PADI2: variants seen among roughly 807,000 people sequenced by gnomAD.
PADI2 encodes the protein protein-arginine deiminase type-2.
PADI2 carries 70 observed loss-of-function variants against 81.1 expected under a neutral mutation model. That is an observed-to-expected ratio of 0.86 (90% CI 0.71 to 1.05). The LOEUF (loss-of-function observed/expected upper bound fraction) is 1.05. Among genes scored for constraint, PADI2 ranks in the 50% least tolerant of loss-of-function variants. PADI2 has a pLI of 0.00. For missense variants in PADI2, 853 were observed against 889.9 expected (o/e 0.96, Z 0.53); for synonymous variants, 338 against 358.0 (o/e 0.94, Z 0.63).
intron 4 of PADI2, 121 bp downstream of exon 4, chr1:17,095,788 C>G: frequency 1.4e-6 from 1 of 711,502 alleles, no homozygotes; most frequent in South Asian, 1.9e-5. Flanking sequence ...TGCTGTGTGT[C>G]TGGGAGCCTG....
At chr1:17,074,477 C>T (rs1277662048) in intron 13 of PADI2, among the ~76,000 whole-genome samples, 2 of 152,078 alleles carry the variant, frequency 1.3e-5, no homozygotes, top group African/African-American at 4.8e-5. Flanking sequence ...TCAAGTGATC[C>T]TCTTTCTTCA....
chr1:17,075,970 C>A (rs1385022784), intron 11 of PADI2, 147 bp from the exon 12 acceptor site: 4 of 718,612 alleles, frequency 5.6e-6, no homozygotes, highest in Non-Finnish European at 9.5e-6. Context: ...GGTTAAGAGA[C>A]CCTGGCGCAG....
intron 4 of PADI2, 51 bp from the exon 5 acceptor site, chr1:17,093,735 ACCCCATGG>A: frequency 2.8e-6 from 3 of 1,077,462 alleles, no homozygotes; most frequent in Non-Finnish European, 4.3e-6. Flanking sequence ...GCTTGTATAG[ACCCCATGG>A]GACACTGGAG....
In PADI2 at chr1:17,068,988, T is replaced by G; in HGVS notation, c.*56A>C. ...ATGTCAGCAGAAGGCTCTGGGCGTG[T>G]GAGGGAGGGTCTGGAGAACTAAGCG... is the stretch of plus-strand genomic sequence containing the variant. On this transcript the variant is annotated 3_prime_UTR_variant, in exon 16 of 16. Transcript: ENST00000375486. 7.7e-7 allele frequency: 1 copy of G among 1,292,558 alleles called. No homozygotes were observed. The highest frequency in any genetic ancestry group is 1.1e-6 in the Non-Finnish European group (1 of 887,550). 80.1% of individuals were successfully genotyped at this position (1,292,558 alleles called of 1,614,324 possible).
intron 2 of PADI2, 61 bp downstream of exon 2, chr1:17,104,817 A>AC (rs1337130470): frequency 7.0e-7 from 1 of 1,420,560 alleles, no homozygotes; most frequent in Non-Finnish European, 9.5e-7. Context: ...GGGCTGGTCC[A>AC]CCCTGCCTCT....
At chr1:17,078,273 G>C (rs181774557) in intron 11 of PADI2, among the ~76,000 whole-genome samples, 1 of 151,906 alleles carries the variant, frequency 6.6e-6, no homozygotes, top group African/African-American at 2.4e-5. Flanking sequence ...CACCACGCCC[G>C]GCTAATTTTG....
At chr1:17,112,528 G>GGC (rs1931621606) in intron 1 of PADI2, among the ~76,000 whole-genome samples, 1 of 151,930 alleles carries the variant, frequency 6.6e-6, no homozygotes, top group Non-Finnish European at 1.5e-5. Flanking sequence ...GAGTCTGGGG[G>GGC]GGGGAGTCGT....
intron 1 of PADI2, among the ~76,000 whole-genome samples, chr1:17,112,371 C>T (rs957698433): frequency 3.3e-5 from 5 of 152,106 alleles, no homozygotes; most frequent in African/African-American, 4.8e-5. Flanking sequence ...GACTTGAGGG[C>T]ATGAAGCGCC....
In PADI2 at chr1:17,092,458, A is replaced by G. The variant is rs774581805; in HGVS notation, c.605T>C (p.Leu202Pro). The G allele has an allele frequency of 1.2e-6, 2 of 1,606,984 alleles. No individual in the cohort carries two copies. Among genetic ancestry groups the G allele is most frequent in the South Asian group, 2.2e-5 (2 of 90,510 alleles). The change falls in exon 6 of 16, where the codon CTG (leucine) becomes CCG (proline). Residue 202 changes from leucine to proline, a missense_variant. Leu to Pro is a moderately conservative substitution (Grantham distance 98, BLOSUM62 -3). Coordinates refer to ENST00000375486, the MANE Select transcript of PADI2 (RefSeq NM_007365.3). ...GTCTGAGTCTGACATGGAAATGTACAGAACTATCTCGTATCCGGCGGGGAG... is the reference window on the plus strand; with the variant it reads ...GTCTGAGTCTGACATGGAAATGTACGGAACTATCTCGTATCCGGCGGGGAG... ...DRLPAGYEIV[L>P]YISMSDSDKV...
chr1:17,075,462 A>G (rs894080430), intron 12 of PADI2: 3 of 479,170 alleles, frequency 6.3e-6, no homozygotes, highest in African/African-American at 6.1e-5. Context: ...TCTCGTTAAT[A>G]ATTTTTAGGC....
At chr1:17,093,495 C>G in intron 5 of PADI2, 72 bp downstream of exon 5, 1 of 1,011,142 alleles carries the variant, frequency 9.9e-7, no homozygotes, top group Non-Finnish European at 1.5e-6. Context: ...TCACCCTCAG[C>G]CCAGCCCAGG....
chr1:17,107,946 T>TCA (rs1391245710), intron 1 of PADI2, among the ~76,000 whole-genome samples: 14 of 150,138 alleles, frequency 9.3e-5, no homozygotes, highest in African/African-American at 3.2e-4. Flanking sequence ...TCCGCATCCA[T>TCA]CACTTTTTTT....
Position 17,115,624 on chromosome 1 carries a change from C to T in PADI2, c.92+3656G>A, listed in dbSNP as rs1931729437. 6.6e-6 allele frequency among the ~76,000 whole-genome samples: 1 copy of T among 152,176 alleles called. No individual in the cohort carries two copies. Among genetic ancestry groups the T allele is most frequent in the African/African-American group, 2.4e-5 (1 of 41,446 alleles). On this transcript the variant is annotated intron_variant, in intron 1 of 15. Transcript: ENST00000375486. This position sits in a 1 kb window ranked among gnomAD's most constrained non-coding sequence, Gnocchi z 4.1. ...TCCAGGGCTCACAAGAGGTGGGTGG[C>T]CAGGATGGAACCAACCTAGGGACTC...
intron 1 of PADI2, among the ~76,000 whole-genome samples, chr1:17,106,674 C>CT (rs1203416440): frequency 2.0e-5 from 3 of 152,066 alleles, no homozygotes; most frequent in African/African-American, 7.2e-5. Flanking sequence ...AACTCCTGAC[C>CT]TCAGGTGATC....
chr1:17,071,415 C>T lies in PADI2; in HGVS notation c.1626G>A (p.Leu542=), dbSNP rs1457466581. Residue 542 remains leucine (L), a synonymous_variant, in exon 14 of 16, where the codon CTG becomes CTA. Coordinates refer to ENST00000375486, the MANE Select transcript of PADI2 (RefSeq NM_007365.3). ...CCTGCCCTGCCCTCACCTGGAAGTACAGGTTCTCCTGCACAAGGCTCTCGT... is the reference window on the plus strand; with the variant it reads ...CCTGCCCTGCCCTCACCTGGAAGTATAGGTTCTCCTGCACAAGGCTCTCGT... ...LSNESLVQEN[L]YFQRCLDWNR... 3 of 1,613,216 alleles carry T rather than the reference C, an allele frequency of 1.9e-6. No individual in the cohort carries two copies. Among genetic ancestry groups the T allele is most frequent in the Non-Finnish European group, 1.7e-6 (2 of 1,179,296 alleles).
chr1:17,071,396 C>A lies in PADI2; in HGVS notation c.1635+10G>T, dbSNP rs1358582132. The A allele has an allele frequency of 6.2e-7, 1 of 1,607,164 alleles. No homozygotes were observed. The highest frequency in any genetic ancestry group is 1.3e-5 in the African/African-American group (1 of 74,794). On this transcript the variant is annotated intron_variant, in intron 14 of 15. Coordinates refer to ENST00000375486, the MANE Select transcript of PADI2 (RefSeq NM_007365.3). ...GGCCCTCTGGCCCTGCACCCCTGCCCTGCCCTCACCTGGAAGTACAGGTTC... is the reference window on the plus strand; with the variant it reads ...GGCCCTCTGGCCCTGCACCCCTGCCATGCCCTCACCTGGAAGTACAGGTTC...
chr1:17,085,489 G>GCT (rs1483102882), intron 7 of PADI2, among the ~76,000 whole-genome samples: 1 of 152,176 alleles, frequency 6.6e-6, no homozygotes, highest in East Asian at 1.9e-4. Flanking sequence ...TATCCTGTTA[G>GCT]CTTTGCCTTT....
intron 3 of PADI2, among the ~76,000 whole-genome samples, chr1:17,096,512 C>T (rs868038742): frequency 2.6e-5 from 4 of 152,254 alleles, no homozygotes; most frequent in African/African-American, 7.2e-5. Context: ...GGCTAGATCC[C>T]ACCTTCAAGG....
intron 6 of PADI2, among the ~76,000 whole-genome samples, chr1:17,088,187 C>T (rs982477388): frequency 6.6e-6 from 1 of 152,032 alleles, no homozygotes; most frequent in Non-Finnish European, 1.5e-5. Flanking sequence ...AGGAAGGCAG[C>T]CTTTGAGATG....
Sources: allele counts gnomAD v4.1 joint callset (sites outside exome capture counted in the v4.1 genomes callset), GRCh38; gene constraint gnomAD v4.1.1; non-coding constraint Gnocchi (gnomAD v3.1); transcripts MANE v1.5; gene names NCBI Gene and HGNC (gene_info 2026-07-23, HGNC 2026-07-21).